Variants in NXN observed in about 807,000 individuals in gnomAD.
The protein encoded by NXN is nucleoredoxin 1.
Under a neutral mutation model 48.6 loss-of-function variants are expected in NXN, and 16 were observed. The ratio of observed to expected loss-of-function variants is 0.33; its 90% CI spans 0.22 to 0.50. NXN has a LOEUF of 0.50. NXN is among the 20% of genes least tolerant of loss of function. The pLI is 0.98. For missense variants in NXN, 492 were observed against 605.5 expected (o/e 0.81, Z 1.97); for synonymous variants, 281 against 269.6 (o/e 1.04, Z -0.41).
chr17:910,827 C>G (rs1007324456), intron 1 of NXN: 9 of 152,080 alleles, frequency 5.9e-5, no homozygotes, highest in Admixed American at 5.9e-4. Context: ...GGCAGCAGAA[C>G]GAGTGATGTG....
intron 1 of NXN, among the ~76,000 whole-genome samples, chr17:872,672 GT>G (rs1455951127): frequency 1.1e-4 from 15 of 141,350 alleles, no homozygotes; most frequent in African/African-American, 4.0e-4. Flanking sequence ...CCAGACTGGA[GT>G]GTGATGGTGC....
intron 1 of NXN, among the ~76,000 whole-genome samples, chr17:946,706 ACC>A (rs537439495): frequency 6.6e-6 from 1 of 151,022 alleles, no homozygotes; most frequent in Admixed American, 6.6e-5. Context: ...TGGAGGGACG[ACC>A]CCCCGCAGCG....
chr17:964,940 G>C (rs534697753), intron 1 of NXN, among the ~76,000 whole-genome samples: 1 of 152,258 alleles, frequency 6.6e-6, no homozygotes, highest in South Asian at 2.1e-4. Flanking sequence ...ACTCCCTCAG[G>C]CTCCATTAAT....
intron 1 of NXN, among the ~76,000 whole-genome samples, chr17:887,359 G>A (rs984686520): frequency 2.0e-5 from 3 of 152,168 alleles, no homozygotes; most frequent in Admixed American, 1.3e-4. Context: ...GGCAGCGTCC[G>A]ATTCAGTGAG....
intron 1 of NXN, among the ~76,000 whole-genome samples, chr17:881,172 C>T (rs548231803): frequency 1.3e-5 from 2 of 152,200 alleles, no homozygotes; most frequent in African/African-American, 2.4e-5. Flanking sequence ...GTAAAACACA[C>T]CCACAGTATC....
rs555163679 is a variant in NXN, at chr17:841,736, G to A, written c.361-15658C>T. Among the ~76,000 whole-genome samples the A allele has an allele frequency of 2.9e-4, 44 of 150,742 alleles. 1 individual carries two copies. Among genetic ancestry groups the A allele is most frequent in the Middle Eastern group, 3.4e-3 (1 of 290 alleles). On this transcript the variant is annotated intron_variant, in intron 1 of 7. Coordinates refer to ENST00000336868, the MANE Select transcript of NXN (RefSeq NM_022463.5). ...GGTCCACCCTGACAAAGGAAAGGGAGAGCCCAGGAGTGTCCACTTCCAGCA... is the reference window on the plus strand; with the variant it reads ...GGTCCACCCTGACAAAGGAAAGGGAAAGCCCAGGAGTGTCCACTTCCAGCA...
At chr17:827,073 G>A (rs1016161913) in intron 1 of NXN, among the ~76,000 whole-genome samples, 2 of 152,220 alleles carry the variant, frequency 1.3e-5, no homozygotes, top group African/African-American at 4.8e-5. Context: ...ATGCAATGTC[G>A]GGGCCGGGCA....
At chr17:865,230 T>G (rs2068083453) in intron 1 of NXN, among the ~76,000 whole-genome samples, 1 of 133,880 alleles carries the variant, frequency 7.5e-6, no homozygotes, top group Non-Finnish European at 1.6e-5. Flanking sequence ...ACAGGCTGGC[T>G]GACAAAAGCT....
chr17:829,774 A>G (rs1451623391), intron 1 of NXN, among the ~76,000 whole-genome samples: 1 of 152,120 alleles, frequency 6.6e-6, no homozygotes, highest in Non-Finnish European at 1.5e-5. Context: ...TTCCAGCTTC[A>G]TCCATGTCCC....
At chr17:913,486 A>G (rs2068655939) in intron 1 of NXN, among the ~76,000 whole-genome samples, 1 of 152,224 alleles carries the variant, frequency 6.6e-6, no homozygotes, top group Non-Finnish European at 1.5e-5. Flanking sequence ...AGACTCCTCA[A>G]CACGACAGAC....
chr17:889,952 C>G (rs866892634), intron 1 of NXN, among the ~76,000 whole-genome samples: 3 of 152,264 alleles, frequency 2.0e-5, no homozygotes, highest in African/African-American at 7.2e-5. Context: ...CGTACCCCCA[C>G]TCACAAAGAG....
chr17:895,534 C>T lies in NXN; in HGVS notation c.361-69456G>A, dbSNP rs562503361. 2.4e-3 allele frequency among the ~76,000 whole-genome samples: 367 copies of T among 151,600 alleles called. 2 individuals are homozygous for T. The highest frequency in any genetic ancestry group is 7.4e-3 in the African/African-American group (308 of 41,364). On this transcript the variant is annotated intron_variant, in intron 1 of 7. Transcript: ENST00000336868. Reference sequence around the variant, plus strand: ...CTGGTTTAAAAAGACCCAATGTGGCCGGGCGCAGTGGCTCACGCCTCTAAT... The same window carrying T: ...CTGGTTTAAAAAGACCCAATGTGGCTGGGCGCAGTGGCTCACGCCTCTAAT...
chr17:818,056 C>A (rs1231085973), intron 5 of NXN, among the ~76,000 whole-genome samples: 1 of 151,838 alleles, frequency 6.6e-6, no homozygotes, highest in Admixed American at 6.6e-5. Context: ...CCCATGAGTT[C>A]GAGACCAGCC....
At chr17:826,123 T>C in intron 1 of NXN, 45 bp from the exon 2 acceptor site, 1 of 1,273,956 alleles carries the variant, frequency 7.8e-7, no homozygotes, top group East Asian at 2.3e-5. Flanking sequence ...CCAAACCAGA[T>C]TCATTGCAGA....
At chr17:828,695 C>T (rs1267341820) in intron 1 of NXN, among the ~76,000 whole-genome samples, 2 of 152,168 alleles carry the variant, frequency 1.3e-5, no homozygotes, top group African/African-American at 2.4e-5. Context: ...GGCCACCGCA[C>T]CCGGCCCCAG....
chr17:826,943 T>C (rs1913135793), intron 1 of NXN, among the ~76,000 whole-genome samples: 1 of 152,284 alleles, frequency 6.6e-6, no homozygotes, highest in Non-Finnish European at 1.5e-5. Context: ...GGGCGGCCTC[T>C]GTTCGCCATC....
chr17:868,659 T>A (rs1011189324), intron 1 of NXN, among the ~76,000 whole-genome samples: 6 of 151,958 alleles, frequency 3.9e-5, no homozygotes, highest in Non-Finnish European at 7.4e-5. Context: ...GCCCGGATCA[T>A]TTTTTTGTAT....
At chr17:835,625 G>T (rs565234497) in intron 1 of NXN, among the ~76,000 whole-genome samples, 2 of 152,296 alleles carry the variant, frequency 1.3e-5, no homozygotes, top group South Asian at 4.1e-4. Flanking sequence ...CATATCAAAA[G>T]GGACGGGACT....
At chr17:835,126 G>A (rs967206835) in intron 1 of NXN, among the ~76,000 whole-genome samples, 5 of 150,972 alleles carry the variant, frequency 3.3e-5, no homozygotes, top group Admixed American at 1.3e-4. Flanking sequence ...GGCTAACATG[G>A]TGAAACCCTG....
Sources: allele counts gnomAD v4.1 joint callset (sites outside exome capture counted in the v4.1 genomes callset), GRCh38; gene constraint gnomAD v4.1.1; transcripts MANE v1.5; gene names NCBI Gene and HGNC (gene_info 2026-07-23, HGNC 2026-07-21).